ACSL4: variants seen among roughly 807,000 people sequenced by gnomAD.
ACSL4 encodes the protein acyl-CoA synthetase long chain family member 4.
A neutral mutation model predicts 49.1 loss-of-function variants in ACSL4; 9 were observed. That is an observed-to-expected ratio of 0.18 (90% CI 0.11 to 0.32). The LOEUF is 0.32. ACSL4 is among the 10% of genes least tolerant of loss of function. The pLI is 1.00. For missense variants in ACSL4, 333 were observed against 493.7 expected (o/e 0.67, Z 3.08); for synonymous variants, 191 against 170.3 (o/e 1.12, Z -0.95).
intron 10 of ACSL4, among the ~76,000 whole-genome samples, chrX:109,668,734 C>A (rs914519058): frequency 1.3e-4 from 15 of 111,477 alleles, no homozygotes; most frequent in African/African-American, 4.6e-4. Context: ...TTAGAAATGA[C>A]ATTTTTTAAG....
Position 109,659,500 on chromosome X carries a change from T to A in ACSL4, c.1709A>T (p.Tyr570Phe). The A allele has an allele frequency of 8.4e-7, 1 of 1,192,572 alleles. No individual in the cohort carries two copies. The highest frequency in any genetic ancestry group is 1.1e-6 in the Non-Finnish European group (1 of 879,416). ...ICAFAKSDQS[Y>F]VISFVVPNQK... is the part of the protein sequence containing the mutation. ...GTTAGGAACCACAAAACTGATCACA[T>A]AGGACTGATCACTAAAAAAACAGAA... Residue 570 changes from tyrosine to phenylalanine, a missense_variant, in exon 15 of 16, where the codon TAT becomes TTT. This residue lies in a region of ACSL4 where 175 missense variants were observed against 275.8 expected (regional missense o/e 0.63). Transcript: ENST00000672401.
At position 109,681,125 on chromosome X, in the gene ACSL4, T is replaced by C. The variant is rs150551785; in HGVS notation, c.528A>G (p.Leu176=). 8.3e-7 allele frequency: 1 copy of C among 1,210,527 alleles called. No individual in the cohort carries two copies. Among genetic ancestry groups the C allele is most frequent in the East Asian group, 3.0e-5 (1 of 33,819 alleles). Residue 176 remains leucine (L), a synonymous_variant, in exon 6 of 16, where the codon TTA becomes TTG. Transcript: ENST00000672401. The stretch of plus-strand genomic sequence containing the variant: ...TGATATGTTTAACACAACTGATATC[T>C]AACAATGCAGTCTGTTGAGCAGAAA... ...LLESKLKTAL[L]DISCVKHIIY...
At chrX:109,657,778 T>C (rs964553841) in intron 15 of ACSL4, among the ~76,000 whole-genome samples, 1 of 111,789 alleles carries the variant, frequency 8.9e-6, no homozygotes, top group Non-Finnish European at 1.9e-5. Context: ...TTCTAGATCC[T>C]TGAGGAATCA....
At chrX:109,725,638 C>CTG (rs1396364118) in intron 1 of ACSL4, among the ~76,000 whole-genome samples, 1 of 110,023 alleles carries the variant, frequency 9.1e-6, no homozygotes, top group East Asian at 2.8e-4. Context: ...TGGAGGGCGC[C>CTG]TGTAGTCAGG....
At chrX:109,682,254 C>T (rs1052092516) in intron 4 of ACSL4, among the ~76,000 whole-genome samples, 2 of 111,601 alleles carry the variant, frequency 1.8e-5, no homozygotes, top group Non-Finnish European at 3.8e-5. Flanking sequence ...GAAATATACT[C>T]AATTTTACTT....
rs139996962 is a variant in ACSL4 at position 109,726,129 on chromosome X, A to G, written c.-66+7010T>C. On this transcript the variant is annotated intron_variant, in intron 1 of 15. Transcript: ENST00000672401. The stretch of plus-strand genomic sequence containing the variant: ...TAAACAAATTACCTTTTAAAAACAA[A>G]TACAAGCAGGCTTAGCACGGTGGCT... Among the ~76,000 whole-genome samples the G allele has an allele frequency of 4.5e-3, 509 of 112,554 alleles. 2 individuals are homozygous for G. The highest frequency in any genetic ancestry group is 0.015 in the African/African-American group (480 of 31,010).
At chrX:109,692,418 T>C (rs1925107561) in intron 2 of ACSL4, among the ~76,000 whole-genome samples, 1 of 112,275 alleles carries the variant, frequency 8.9e-6, no homozygotes, top group Non-Finnish European at 1.9e-5. Flanking sequence ...AATAATTGGT[T>C]GTAAATAATC....
intron 8 of ACSL4, among the ~76,000 whole-genome samples, chrX:109,676,544 C>A (rs906555301): frequency 9.0e-6 from 1 of 111,271 alleles, no homozygotes; most frequent in Admixed American, 9.5e-5. Context: ...TCATTCCTAC[C>A]TATACTTGCT....
At chrX:109,700,189 CT>C (rs1925775704) in intron 1 of ACSL4, among the ~76,000 whole-genome samples, 1 of 85,369 alleles carries the variant, frequency 1.2e-5, no homozygotes, top group Non-Finnish European at 2.2e-5. Context: ...GCCTGGGCGA[CT>C]GAGTGAGACT....
At chrX:109,717,847 C>T (rs1927240976) in intron 1 of ACSL4, among the ~76,000 whole-genome samples, 1 of 82,909 alleles carries the variant, frequency 1.2e-5, no homozygotes, top group Non-Finnish European at 2.9e-5. Flanking sequence ...TATGTATACA[C>T]CTTTAATTTT....
chrX:109,683,393 A>G lies in ACSL4; in HGVS notation c.-12-18T>C, dbSNP rs749789322. ...TTTTTCTTCTTGGCATTGGTAAGAA[A>G]ATACCATGGAATAAATATAAGGGCA... On this transcript the variant is annotated intron_variant, in intron 2 of 15. Coordinates refer to ENST00000672401, the MANE Select transcript of ACSL4 (RefSeq NM_001318510.2). The G allele has an allele frequency of 2.0e-5, 24 of 1,209,476 alleles. No individual in the cohort carries two copies. Among genetic ancestry groups the G allele is most frequent in the Non-Finnish European group, 2.1e-5 (19 of 894,465 alleles).
chrX:109,658,316 C>G (rs781115443), intron 15 of ACSL4, among the ~76,000 whole-genome samples: 1 of 111,321 alleles, frequency 9.0e-6, no homozygotes, highest in Admixed American at 9.6e-5. Context: ...TTACTCACCA[C>G]CCCCCAGTCT....
intron 15 of ACSL4, among the ~76,000 whole-genome samples, chrX:109,654,496 A>G (rs762418949): frequency 8.9e-6 from 1 of 112,372 alleles, no homozygotes; most frequent in African/African-American, 3.2e-5. Context: ...TAAATTGTTT[A>G]GAATAATTTA....
intron 15 of ACSL4, among the ~76,000 whole-genome samples, chrX:109,658,837 T>C (rs1165180099): frequency 8.9e-6 from 1 of 111,961 alleles, no homozygotes; most frequent in Non-Finnish European, 1.9e-5. Flanking sequence ...CCCTCTCACC[T>C]GATAATGAAC....
chrX:109,648,587 T>C lies in ACSL4; in HGVS notation c.1856-4401A>G, dbSNP rs190855826. 5.6e-3 allele frequency among the ~76,000 whole-genome samples: 625 copies of C among 111,663 alleles called. 6 individuals are homozygous for C. The highest frequency in any genetic ancestry group is 0.017 in the African/African-American group (537 of 30,692). On this transcript the variant is annotated intron_variant, in intron 15 of 15. Coordinates refer to ENST00000672401, the MANE Select transcript of ACSL4 (RefSeq NM_001318510.2). The stretch of plus-strand genomic sequence containing the variant: ...AACATTATACTGAATGGGCAAAAAC[T>C]GGAAGCATTCCCTTTGAAAACCAGC...
chrX:109,677,098 T>G, intron 8 of ACSL4, among the ~76,000 whole-genome samples: 1 of 109,897 alleles, frequency 9.1e-6, no homozygotes. Flanking sequence ...TAGCTGGGAC[T>G]ACAGGCGCCC....
rs1302095328 is a variant in ACSL4, at chrX:109,653,043, T to C, written c.1855+6311A>G. 2.0e-4 allele frequency among the ~76,000 whole-genome samples: 22 copies of C among 111,478 alleles called. 1 individual carries two copies. Among genetic ancestry groups the C allele is most frequent in the Non-Finnish European group, 2.1e-4 (11 of 53,041 alleles). ...CTAAGTAGTTAACATTTTTAATAAA[T>C]AGAAATAATAGGAGCCCAGTTAGAG... is the stretch of plus-strand genomic sequence containing the variant. On this transcript the variant is annotated intron_variant, in intron 15 of 15. Transcript: ENST00000672401.
chrX:109,681,843 T>A (rs1924189406), intron 4 of ACSL4, among the ~76,000 whole-genome samples: 1 of 112,078 alleles, frequency 8.9e-6, no homozygotes, highest in Non-Finnish European at 1.9e-5. Flanking sequence ...AGAAGCTGTT[T>A]TAGTGAGTCC....
Position 109,668,144 on chromosome X carries a change from A to G in ACSL4, c.1272T>C (p.Gly424=). 4.1e-6 allele frequency: 5 copies of G among 1,209,717 alleles called. No homozygotes were observed. Among genetic ancestry groups the G allele is most frequent in the African/African-American group, 3.5e-5 (2 of 57,705 alleles). ...NVCFCCPIGQ[G]YGLTESCGAG... ...CACCACATGATTCTGTCAGTCCATA[A>G]CCCTGGCCAATTGGGCAGCAGAAGC... Residue 424 remains glycine (G), a synonymous_variant, in exon 11 of 16, where the codon GGT becomes GGC. Coordinates refer to ENST00000672401, the MANE Select transcript of ACSL4 (RefSeq NM_001318510.2).
Sources: allele counts gnomAD v4.1 joint callset (sites outside exome capture counted in the v4.1 genomes callset), GRCh38; gene constraint gnomAD v4.1.1; regional missense constraint gnomAD v4.1.1; transcripts MANE v1.5; gene names NCBI Gene and HGNC (gene_info 2026-07-23, HGNC 2026-07-21).